The following MCM3AP variants were observed in gnomAD, a reference collection of about 807,000 sequenced individuals.
The protein encoded by MCM3AP is minichromosome maintenance complex component 3 associated protein, also known as germinal-center associated nuclear protein.
In MCM3AP, 126 loss-of-function variants were observed where a neutral mutation model predicts 184.1. That is an observed-to-expected ratio of 0.68 (90% CI 0.59 to 0.79). MCM3AP has a LOEUF of 0.79. MCM3AP is among the 30% of genes least tolerant of loss of function. MCM3AP has a pLI of 0.00. For missense variants in MCM3AP, 2,496 were observed against 2,479.2 expected (o/e 1.01, Z -0.14); for synonymous variants, 1,002 against 979.3 (o/e 1.02, Z -0.43).
chr21:46,282,521 T>G (rs550158043), intron 2 of MCM3AP, among the ~76,000 whole-genome samples: 28 of 152,196 alleles, frequency 1.8e-4, no homozygotes, highest in African/African-American at 6.5e-4. Context: ...TGCATACATT[T>G]AGGCTGGGCG....
At chr21:46,236,052 A>G (rs1271121716) in intron 27 of MCM3AP, among the ~76,000 whole-genome samples, 2 of 152,236 alleles carry the variant, frequency 1.3e-5, no homozygotes, top group East Asian at 1.9e-4. Flanking sequence ...CTTTCATACA[A>G]TAATGCTACA....
At chr21:46,237,415 AT>A (rs1429027360) in intron 26 of MCM3AP, among the ~76,000 whole-genome samples, 1 of 143,396 alleles carries the variant, frequency 7.0e-6, no homozygotes, top group Non-Finnish European at 1.5e-5. Flanking sequence ...TTTTATTATT[AT>A]TTTTTTTTGA....
At chr21:46,282,224 T>A (rs1391921961) in intron 2 of MCM3AP, among the ~76,000 whole-genome samples, 1 of 151,946 alleles carries the variant, frequency 6.6e-6, no homozygotes, top group African/African-American at 2.4e-5. Context: ...GCAATTCCAA[T>A]CCTAAGAATA....
chr21:46,259,332 T>A (rs1261738967), intron 15 of MCM3AP: 4 of 307,950 alleles, frequency 1.3e-5, no homozygotes. Context: ...GGCGGGCGCC[T>A]GTAGTCCCAG....
In MCM3AP at chr21:46,265,957, A is replaced by C; in HGVS notation, c.2999T>G (p.Val1000Gly). 1 of 1,597,074 alleles carries C rather than the reference A, an allele frequency of 6.3e-7. No homozygotes were observed. The highest frequency in any genetic ancestry group is 8.6e-7 in the Non-Finnish European group (1 of 1,169,496). The change falls in exon 11 of 28, where the codon GTC becomes GGC. Residue 1000 changes from valine to glycine, a missense_variant. Val to Gly is a moderately radical substitution (Grantham distance 109). Around this residue, in one of 5 missense-constraint regions of MCM3AP, gnomAD observed 1,323 missense variants for 1,273.4 expected, o/e 1.04. Coordinates refer to ENST00000291688, the MANE Select transcript of MCM3AP (RefSeq NM_003906.5). ...IGESLAAELP[V>G]STQRPGSDTV... ...GTCGGAGCCGGGTCTCTGGGTGCTG[A>C]CGGGCAGCTCCGCGGCCAGGCTCTC... is the stretch of plus-strand genomic sequence containing the variant.
Position 46,236,834 on chromosome 21 carries a change from G to T in MCM3AP, c.5779C>A (p.Pro1927Thr). The change falls in exon 27 of 28, where the codon CCA (proline) becomes ACA (threonine). Residue 1927 changes from proline (P) to threonine (T), a missense_variant. By Grantham distance (38) the Pro-to-Thr change is conservative (BLOSUM62 -1). Transcript: ENST00000291688. ...AATGTATACGTTCTTCTCACCTGTG[G>T]GCTAGTAGTTACAGATGTTTTCATC... ...PVMKTSVTTS[P>T]QSDMMREQLQ... 6.5e-7 allele frequency: 1 copy of T among 1,549,618 alleles called. No homozygotes were observed. The highest frequency in any genetic ancestry group is 8.7e-7 in the Non-Finnish European group (1 of 1,155,398).
intron 13 of MCM3AP, among the ~76,000 whole-genome samples, chr21:46,261,790 G>A (rs2081045628): frequency 6.7e-6 from 1 of 149,384 alleles, no homozygotes; most frequent in Admixed American, 6.7e-5. Context: ...ATTGACAAGG[G>A]AAAAAAAACA....
At position 46,265,908 on chromosome 21, in the gene MCM3AP, A is replaced by G; in HGVS notation, c.3031+17T>C. ...AAATGCAGCTAGTCCCCTCACTACG[A>G]CTGCAGCTTCACTCACCCACTGTGT... On this transcript the variant is annotated intron_variant, in intron 11 of 27. Transcript: ENST00000291688. The G allele has an allele frequency of 6.5e-7, 1 of 1,536,712 alleles. No homozygotes were observed. The highest frequency in any genetic ancestry group is 8.8e-7 in the Non-Finnish European group (1 of 1,136,362).
intron 13 of MCM3AP, among the ~76,000 whole-genome samples, chr21:46,262,486 A>C (rs1459414137): frequency 1.3e-5 from 2 of 152,050 alleles, no homozygotes; most frequent in Non-Finnish European, 2.9e-5. Context: ...CATCTCTACA[A>C]AAAATTAAAA....
In MCM3AP at chr21:46,246,172, T is replaced by C. The variant is rs2080763163; in HGVS notation, c.4647+135A>G. 1.9e-5 allele frequency: 12 copies of C among 630,082 alleles called. No individual in the cohort carries two copies. The South Asian group carries it at 2.2e-4, about 12-fold the overall frequency. 39.0% of individuals were successfully genotyped at this position (630,082 alleles called of 1,614,324 possible). On this transcript the variant is annotated intron_variant, in intron 22 of 27. Coordinates refer to ENST00000291688, the MANE Select transcript of MCM3AP (RefSeq NM_003906.5). ...TTGCAGGGAGCTATCATCATGCCAC[T>C]ATACTGGGTGACAATAAAACCCTGT...
chr21:46,265,183 A>T, intron 12 of MCM3AP, 138 bp downstream of exon 12: 1 of 702,978 alleles, frequency 1.4e-6, no homozygotes, highest in Non-Finnish European at 2.4e-6. Flanking sequence ...CCTGAGGCTG[A>T]GTGACTCTAG....
At chr21:46,272,455 G>C (rs996137728) in intron 8 of MCM3AP, 106 bp downstream of exon 8, 38 of 1,179,966 alleles carry the variant, frequency 3.2e-5, no homozygotes, top group African/African-American at 4.6e-5. Flanking sequence ...TCTGCTACCA[G>C]ACAGAATGCT....
intron 5 of MCM3AP, 152 bp from the exon 6 acceptor site, chr21:46,275,477 C>A: frequency 1.4e-6 from 1 of 727,930 alleles, no homozygotes; most frequent in East Asian, 3.0e-5. Context: ...CTCAGAGCCT[C>A]AGACAAAGAG....
At chr21:46,243,359 A>G in intron 24 of MCM3AP, 106 bp downstream of exon 24, 1 of 1,318,498 alleles carries the variant, frequency 7.6e-7, no homozygotes, top group East Asian at 2.3e-5. Flanking sequence ...GGAAGGATAG[A>G]GACCCAAAAG....
intron 13 of MCM3AP, 90 bp downstream of exon 13, chr21:46,264,027 C>T (rs1601523167): frequency 7.6e-6 from 6 of 792,390 alleles, no homozygotes; most frequent in Admixed American, 2.3e-5. Context: ...ACTCCAAAAA[C>T]GCAGGCAACT....
chr21:46,266,326 A>C (rs1245640843), intron 10 of MCM3AP, 160 bp from the exon 11 acceptor site: 2 of 689,916 alleles, frequency 2.9e-6, no homozygotes, highest in Non-Finnish European at 4.7e-6. Context: ...CCCACCCTGG[A>C]GCCTCTGTAG....
In MCM3AP at chr21:46,284,464, C is replaced by T; in HGVS notation, c.823G>A (p.Glu275Lys). ...ASKAGVRQGC[E>K]EAVSQVEPLP... is the part of the protein sequence containing the mutation. Reference sequence around the variant, plus strand: ...GGTTCCACCTGGGAAACAGCTTCTTCACACCCCTGCCTGACACCTGCTTTG... The same window carrying T: ...GGTTCCACCTGGGAAACAGCTTCTTTACACCCCTGCCTGACACCTGCTTTG... Residue 275 changes from glutamate to lysine, a missense_variant, in exon 1 of 28, where the codon GAA becomes AAA. By Grantham distance (56) the Glu-to-Lys change is moderately conservative. Coordinates refer to ENST00000291688, the MANE Select transcript of MCM3AP (RefSeq NM_003906.5). 1 of 1,614,198 alleles carries T rather than the reference C, an allele frequency of 6.2e-7. No individual in the cohort carries two copies. Among genetic ancestry groups the T allele is most frequent in the South Asian group, 1.1e-5 (1 of 91,088 alleles).
rs1569076233 is a variant in MCM3AP, at chr21:46,272,600, T to C, written c.2426A>G (p.Tyr809Cys). 9 of 1,614,222 alleles carry C rather than the reference T, an allele frequency of 5.6e-6. No homozygotes were observed. Among genetic ancestry groups the C allele is most frequent in the Non-Finnish European group, 7.6e-6 (9 of 1,180,036 alleles). Residue 809 changes from tyrosine to cysteine, a missense_variant, in exon 8 of 28, where the codon TAC becomes TGC. Physicochemically the swap from Tyr to Cys is radical, Grantham distance 194. Around this residue, in one of 5 missense-constraint regions of MCM3AP, gnomAD observed 105 missense variants for 97.1 expected, o/e 1.08. Coordinates refer to ENST00000291688, the MANE Select transcript of MCM3AP (RefSeq NM_003906.5). ...CTTGTTGAGACTGAGCAGAACATTG[T>C]AGCCCTGGAACTCCGCTTCGCTGGC... ...FCASEAEFQG[Y>C]NVLLSLNKGD...
rs755935500 is a variant in MCM3AP at position 46,256,823 on chromosome 21, C to T, written c.3898G>A (p.Gly1300Ser). ...ENLARGLLDL[G>S]HAGRLGISCT... is the part of the protein sequence containing the mutation. ...GAGATGCCCAATCTCCCTGCATGGC[C>T]CAGGTCCAGGAGGCCCCTGGCCAGG... The change falls in exon 17 of 28, where the codon GGC (glycine) becomes AGC (serine). Residue 1300 changes from glycine to serine, a missense_variant. By Grantham distance (56) the Gly-to-Ser change is moderately conservative (BLOSUM62 0). Transcript: ENST00000291688. 5 of 1,562,696 alleles carry T rather than the reference C, an allele frequency of 3.2e-6. No homozygotes were observed. The highest frequency in any genetic ancestry group is 1.2e-5 in the South Asian group (1 of 85,078).
Sources: gnomAD v4.1 joint callset for allele counts (sites outside exome capture counted in the v4.1 genomes callset) on GRCh38, gnomAD v4.1.1 for gene constraint, gnomAD v4.1.1 regional missense constraint, MANE v1.5 for transcripts, NCBI Gene and HGNC (gene_info 2026-07-23, HGNC 2026-07-21) for gene names.